The following SND1 variants were observed in gnomAD, a reference collection of about 807,000 sequenced individuals.
SND1 encodes staphylococcal nuclease domain-containing protein 1.
Under a neutral mutation model 121.7 loss-of-function variants are expected in SND1, and 38 were observed. That is an observed-to-expected ratio of 0.31 (90% CI 0.24 to 0.41). SND1 has a LOEUF of 0.41. SND1 is among the 10% of genes least tolerant of loss of function. The pLI is 1.00. For synonymous variants in SND1, 401 were observed against 447.4 expected (o/e 0.90, Z 1.31); for missense variants, 868 against 1,184.6 (o/e 0.73, Z 3.92).
chr7:127,884,024 A>G (rs1212558962), intron 12 of SND1, among the ~76,000 whole-genome samples: 1 of 152,168 alleles, frequency 6.6e-6, no homozygotes, highest in Non-Finnish European at 1.5e-5. Flanking sequence ...TTCACCTCTC[A>G]TTAAACTCCC....
chr7:127,975,800 C>T (rs1802106444), intron 15 of SND1, among the ~76,000 whole-genome samples: 1 of 152,232 alleles, frequency 6.6e-6, no homozygotes, highest in African/African-American at 2.4e-5. Flanking sequence ...GCTGTAGCGC[C>T]GAGCACGCTA....
chr7:127,920,404 C>T (rs1260236960), intron 14 of SND1, among the ~76,000 whole-genome samples: 1 of 152,068 alleles, frequency 6.6e-6, no homozygotes, highest in Non-Finnish European at 1.5e-5. Context: ...CTGCAGAGGT[C>T]GCAGGAGGAT....
chr7:127,796,768 C>G (rs559545664), intron 10 of SND1, among the ~76,000 whole-genome samples: 4 of 152,068 alleles, frequency 2.6e-5, no homozygotes, highest in African/African-American at 9.6e-5. Context: ...TGAGTGTGAA[C>G]TTAGACTTGC....
chr7:127,966,919 G>GT (rs1801865802), intron 15 of SND1, among the ~76,000 whole-genome samples: 1 of 151,896 alleles, frequency 6.6e-6, no homozygotes, highest in Non-Finnish European at 1.5e-5. Context: ...CCAGGAGCTG[G>GT]TTTTTTGAAA....
intron 2 of SND1, among the ~76,000 whole-genome samples, chr7:127,693,445 T>C (rs1795955411): frequency 6.6e-6 from 1 of 152,238 alleles, no homozygotes; most frequent in African/African-American, 2.4e-5. Context: ...TCATGATTTA[T>C]GTTATGTAAC....
chr7:128,003,806 T>A (rs907457086), intron 16 of SND1, among the ~76,000 whole-genome samples: 6 of 152,146 alleles, frequency 3.9e-5, no homozygotes, highest in Non-Finnish European at 5.9e-5. Flanking sequence ...GACTGGTGTT[T>A]GCTAAATAGC....
At chr7:127,857,466 G>A (rs1228956794) in intron 12 of SND1, among the ~76,000 whole-genome samples, 2 of 147,980 alleles carry the variant, frequency 1.4e-5, no homozygotes, top group African/African-American at 5.0e-5. Context: ...CCCTCCCAAA[G>A]AACACTTTTT....
chr7:127,725,856 C>G (rs1027858201), intron 10 of SND1, among the ~76,000 whole-genome samples: 1 of 152,042 alleles, frequency 6.6e-6, no homozygotes, highest in African/African-American at 2.4e-5. Context: ...GGCAGACATT[C>G]CTGTTCTAGG....
chr7:127,686,750 T>A lies in SND1; in HGVS notation c.216T>A (p.Asp72Glu), dbSNP rs1795820229. The A allele has an allele frequency of 5.0e-6, 8 of 1,613,954 alleles. No individual in the cohort carries two copies. The East Asian group carries it at 1.8e-4, about 36-fold the overall frequency. ...CCGCCACACAACCTGATGCAAAGGATACCCCTGATGAGGTAGGTGTTTCCT... is the reference window on the plus strand; with the variant it reads ...CCGCCACACAACCTGATGCAAAGGAAACCCCTGATGAGGTAGGTGTTTCCT... ...RAAATQPDAK[D>E]TPDEPWAFPA... The change falls in exon 2 of 24, where the codon GAT (aspartate) becomes GAA (glutamate). Residue 72 changes from aspartate to glutamate, a missense_variant. Around this residue, in one of 2 missense-constraint regions of SND1, gnomAD observed 125 missense variants for 113.3 expected, o/e 1.10. Coordinates refer to ENST00000354725, the MANE Select transcript of SND1 (RefSeq NM_014390.4).
At chr7:128,063,580 C>T (rs769634690) in intron 16 of SND1, among the ~76,000 whole-genome samples, 33 of 152,210 alleles carry the variant, frequency 2.2e-4, no homozygotes, top group Admixed American at 2.0e-4. Flanking sequence ...TCACTGCTGG[C>T]GATCTGGAGA....
intron 10 of SND1, among the ~76,000 whole-genome samples, chr7:127,749,814 T>C (rs1797053175): frequency 6.6e-6 from 1 of 152,194 alleles, no homozygotes; most frequent in South Asian, 2.1e-4. Context: ...AACCTTCAGA[T>C]GAGAAGTTGA....
At chr7:127,946,409 T>A (rs2116847564) in intron 15 of SND1, among the ~76,000 whole-genome samples, 1 of 152,322 alleles carries the variant, frequency 6.6e-6, no homozygotes, top group Middle Eastern at 3.4e-3. Context: ...TATAAATTAT[T>A]CAGCTACTTT....
chr7:127,812,468 G>A (rs1798351476), intron 11 of SND1, among the ~76,000 whole-genome samples: 2 of 152,188 alleles, frequency 1.3e-5, no homozygotes, highest in South Asian at 2.1e-4. Context: ...TGAAGTCCTC[G>A]ATAACATTGC....
chr7:127,819,666 T>C (rs1798511811), intron 11 of SND1, among the ~76,000 whole-genome samples: 1 of 152,122 alleles, frequency 6.6e-6, no homozygotes, highest in African/African-American at 2.4e-5. Context: ...GGCCCTTAGT[T>C]AACCCCTCTC....
chr7:127,911,459 C>T (rs181458356), intron 14 of SND1, among the ~76,000 whole-genome samples: 18 of 152,288 alleles, frequency 1.2e-4, no homozygotes, highest in Admixed American at 1.1e-3. Flanking sequence ...ATCCTCCCAC[C>T]TCAGCCTTCC....
At chr7:127,919,753 C>G (rs1454604131) in intron 14 of SND1, among the ~76,000 whole-genome samples, 1 of 152,132 alleles carries the variant, frequency 6.6e-6, no homozygotes, top group Non-Finnish European at 1.5e-5. Context: ...AAAAGTAACT[C>G]TAGAGTTGTT....
chr7:127,988,153 C>T (rs1020377620), intron 15 of SND1, among the ~76,000 whole-genome samples: 3 of 152,166 alleles, frequency 2.0e-5, no homozygotes, highest in African/African-American at 4.8e-5. Flanking sequence ...GTTTGAAAAA[C>T]GCCCATCTAC....
intron 4 of SND1, 149 bp downstream of exon 4, chr7:127,699,102 A>G (rs1227397758): frequency 7.7e-6 from 5 of 650,718 alleles, no homozygotes; most frequent in Non-Finnish European, 1.4e-5. Context: ...TGAGCTAGGA[A>G]GTCACTCAGC....
chr7:128,077,109 G>T (rs113862865), intron 17 of SND1, among the ~76,000 whole-genome samples: 3 of 152,204 alleles, frequency 2.0e-5, no homozygotes, highest in African/African-American at 7.2e-5. Flanking sequence ...ATTGGCCATC[G>T]ATTGGCTTTT....
Sources: allele counts gnomAD v4.1 joint callset (sites outside exome capture counted in the v4.1 genomes callset), GRCh38; gene constraint gnomAD v4.1.1; regional missense constraint gnomAD v4.1.1; transcripts MANE v1.5; gene names NCBI Gene and HGNC (gene_info 2026-07-23, HGNC 2026-07-21).